The following SGO2 variants were observed in gnomAD, a reference collection of about 807,000 sequenced individuals.
SGO2 encodes the protein shugoshin 2.
A neutral mutation model predicts 99.5 loss-of-function variants in SGO2; 68 were observed. The ratio of observed to expected loss-of-function variants is 0.68; its 90% confidence interval spans 0.56 to 0.84. The LOEUF (loss-of-function observed/expected upper bound fraction) is 0.84. SGO2 is among the 40% of genes least tolerant of loss of function. The pLI is 0.00. For synonymous variants in SGO2, 457 were observed against 487.1 expected (o/e 0.94, Z 0.81); for missense variants, 1,350 against 1,436.7 (o/e 0.94, Z 0.97).
chr2:200,575,737 T>C (rs1019313504), intron 8 of SGO2, among the ~76,000 whole-genome samples: 2 of 152,202 alleles, frequency 1.3e-5, no homozygotes, highest in Admixed American at 1.3e-4. Context: ...CTGATACTTA[T>C]AATTTTTAAA....
chr2:200,580,053 T>A (rs908112907), intron 8 of SGO2, among the ~76,000 whole-genome samples: 5 of 152,190 alleles, frequency 3.3e-5, no homozygotes, highest in African/African-American at 1.2e-4. Flanking sequence ...GACCTAGTAC[T>A]GTTTTGTGTG....
chr2:200,538,818 T>C (rs2031823570), intron 4 of SGO2, among the ~76,000 whole-genome samples: 1 of 152,164 alleles, frequency 6.6e-6, no homozygotes, highest in Non-Finnish European at 1.5e-5. Context: ...TTAGTAACTT[T>C]CCTAATTTTA....
At chr2:200,561,209 G>A (rs190659721) in intron 5 of SGO2, among the ~76,000 whole-genome samples, 9 of 152,104 alleles carry the variant, frequency 5.9e-5, no homozygotes, top group African/African-American at 9.6e-5. Flanking sequence ...CCCACCCAAC[G>A]ACAGGCCCTG....
intron 5 of SGO2, among the ~76,000 whole-genome samples, chr2:200,543,918 GA>G (rs1206847459): frequency 2.0e-5 from 3 of 152,142 alleles, no homozygotes; most frequent in Admixed American, 2.0e-4. Flanking sequence ...TTCACCAAGT[GA>G]ACACTGTTGT....
intron 2 of SGO2, among the ~76,000 whole-genome samples, chr2:200,533,773 T>C (rs2031551770): frequency 6.6e-6 from 1 of 152,064 alleles, no homozygotes; most frequent in Admixed American, 6.6e-5. Context: ...CTGATATAGC[T>C]CCTGCGAAGG....
chr2:200,572,575 A>G lies in SGO2; in HGVS notation c.2229A>G (p.Ser743=), dbSNP rs1347084129. 6.2e-7 allele frequency: 1 copy of G among 1,611,706 alleles called. No homozygotes were observed. Among genetic ancestry groups the G allele is most frequent in the East Asian group, 2.2e-5 (1 of 44,828 alleles). ...KSIEYTVKSH[S]LFLTQKDKEI... is the part of the protein sequence containing the mutation. ...TAGAATACACAGTTAAAAGTCACTC[A>G]CTCTTTTTAACGCAAAAAGATAAGG... The change falls in exon 7 of 9, where the codon TCA becomes TCG. Residue 743 remains serine, a synonymous_variant. Transcript: ENST00000357799.
chr2:200,532,638 A>G (rs1326490267), intron 1 of SGO2, among the ~76,000 whole-genome samples: 1 of 151,994 alleles, frequency 6.6e-6, no homozygotes, highest in East Asian at 1.9e-4. Context: ...TATATCTCTA[A>G]GGTTATACTT....
intron 2 of SGO2, 34 bp from the exon 3 acceptor site, chr2:200,534,962 T>C: frequency 7.0e-7 from 1 of 1,426,378 alleles, no homozygotes; most frequent in Non-Finnish European, 9.3e-7. Flanking sequence ...AGGTATAAGC[T>C]GAATATTAAC....
intron 1 of SGO2, among the ~76,000 whole-genome samples, chr2:200,532,739 C>A (rs1193831271): frequency 2.0e-5 from 3 of 152,036 alleles, no homozygotes; most frequent in Non-Finnish European, 4.4e-5. Flanking sequence ...TCCCCTGCAC[C>A]TGGTACATAG....
intron 6 of SGO2, 49 bp downstream of exon 6, chr2:200,569,941 C>T (rs772773855): frequency 2.0e-5 from 24 of 1,216,132 alleles, no homozygotes; most frequent in Non-Finnish European, 2.4e-5. Context: ...TAGTTACATT[C>T]ATCAGATGTT....
In SGO2 at chr2:200,570,077, T is replaced by A. The variant is rs2033341369; in HGVS notation, c.703+185T>A. On this transcript the variant is annotated intron_variant, in intron 6 of 8. Coordinates refer to ENST00000357799, the MANE Select transcript of SGO2 (RefSeq NM_152524.6). This position sits in a 1 kb window ranked among gnomAD's most constrained non-coding sequence, Gnocchi z 4.4. ...TTTAAAGTAAATATGCTGACAAACA[T>A]CACACCCACAGTGGCCTAATACTGT... The A allele has an allele frequency of 5.5e-6, 3 of 548,322 alleles. No homozygotes were observed. The South Asian group carries it at 8.1e-5, about 15-fold the overall frequency. 34.0% of individuals were successfully genotyped at this position (548,322 alleles called of 1,614,324 possible). A position where few individuals can be genotyped will look rare whatever the true frequency, so the allele number is the denominator to read the frequency against.
At chr2:200,554,635 A>T (rs1323444847) in intron 5 of SGO2, among the ~76,000 whole-genome samples, 1 of 152,228 alleles carries the variant, frequency 6.6e-6, no homozygotes, top group Non-Finnish European at 1.5e-5. Flanking sequence ...GATTAATAAC[A>T]TACACTAAGC....
intron 2 of SGO2, among the ~76,000 whole-genome samples, chr2:200,533,895 C>T (rs1052992015): frequency 2.0e-5 from 3 of 152,100 alleles, no homozygotes; most frequent in South Asian, 2.1e-4. Context: ...TTGCTTACTC[C>T]CTTTGGCAAG....
intron 8 of SGO2, among the ~76,000 whole-genome samples, chr2:200,577,476 C>T (rs1440578193): frequency 6.6e-6 from 1 of 152,190 alleles, no homozygotes; most frequent in South Asian, 2.1e-4. Context: ...CTATGGTCCT[C>T]TCCCAGCATT....
chr2:200,570,005 C>T lies in SGO2; in HGVS notation c.703+113C>T, dbSNP rs945802606. ...TAATAAGTTAGCTCTCTTATGTTAC[C>T]GATTTGCTAACTTCTGCCATTTAAA... On this transcript the variant is annotated intron_variant, in intron 6 of 8. Coordinates refer to ENST00000357799, the MANE Select transcript of SGO2 (RefSeq NM_152524.6). The surrounding 1 kb of genome is among the most constrained non-coding windows in gnomAD (Gnocchi z 4.4). The T allele has an allele frequency of 1.3e-5, 9 of 678,740 alleles. No homozygotes were observed. The highest frequency in any genetic ancestry group is 2.1e-5 in the South Asian group (1 of 47,512). The allele number at this position is 678,740 out of a possible 1,614,324, so 42.0% of individuals were successfully genotyped here.
At chr2:200,532,374 A>T in intron 1 of SGO2, 4 of 983,438 alleles carry the variant, frequency 4.1e-6, no homozygotes, top group Non-Finnish European at 4.8e-6. Flanking sequence ...TACATGGCTC[A>T]ACATCAACTG....
intron 8 of SGO2, among the ~76,000 whole-genome samples, chr2:200,579,489 A>C (rs1301398521): frequency 6.6e-6 from 1 of 152,218 alleles, no homozygotes; most frequent in East Asian, 1.9e-4. Context: ...ATTAAACAAG[A>C]TACTTGCTGT....
chr2:200,536,722 T>C (rs529749790), intron 4 of SGO2, among the ~76,000 whole-genome samples: 1 of 152,284 alleles, frequency 6.6e-6, no homozygotes, highest in Non-Finnish European at 1.5e-5. Context: ...TTGAACTTAC[T>C]ATTTAACAGA....
intron 8 of SGO2, among the ~76,000 whole-genome samples, chr2:200,577,956 T>C (rs1386814248): frequency 6.6e-6 from 1 of 152,162 alleles, no homozygotes; most frequent in Non-Finnish European, 1.5e-5. Context: ...TTTCCTCTAT[T>C]GTTAATGAAC....
Sources: gnomAD v4.1 joint callset for allele counts (sites outside exome capture counted in the v4.1 genomes callset) on GRCh38, gnomAD v4.1.1 for gene constraint, Gnocchi (gnomAD v3.1) non-coding constraint, MANE v1.5 for transcripts, NCBI Gene and HGNC (gene_info 2026-07-23, HGNC 2026-07-21) for gene names.